CNTNAP2: variants seen among roughly 807,000 people sequenced by gnomAD.
The protein encoded by CNTNAP2 is contactin-associated protein-like 2.
CNTNAP2 carries 98 observed loss-of-function variants against 155.2 expected under a neutral mutation model. That is an observed-to-expected ratio of 0.63 (90% CI 0.54 to 0.75). CNTNAP2 has a LOEUF of 0.75. CNTNAP2 is among the 30% of genes least tolerant of loss of function. CNTNAP2 has a pLI of 0.00. For synonymous variants in CNTNAP2, 651 were observed against 631.2 expected (o/e 1.03, Z -0.47); for missense variants, 1,727 against 1,688.1 (o/e 1.02, Z -0.40).
At chr7:147,964,417 C>T (rs1157963012) in intron 14 of CNTNAP2, among the ~76,000 whole-genome samples, 1 of 152,096 alleles carries the variant, frequency 6.6e-6, no homozygotes, top group Non-Finnish European at 1.5e-5. Flanking sequence ...TGACTCAATC[C>T]TCCACGGATT....
intron 1 of CNTNAP2, among the ~76,000 whole-genome samples, chr7:146,761,284 T>TGGAAGGAA (rs369635102): frequency 0.015 from 2,099 of 144,614 alleles, 22 homozygotes; most frequent in Middle Eastern, 0.031. Flanking sequence ...TCATAATTGC[T>TGGAAGGAA]GGAAGGAAGG....
intron 1 of CNTNAP2, among the ~76,000 whole-genome samples, chr7:146,580,610 T>C (rs1452698051): frequency 1.3e-5 from 2 of 152,102 alleles, no homozygotes; most frequent in African/African-American, 4.8e-5. Flanking sequence ...ATTTCTTCTT[T>C]CCTGGCCCAC....
intron 11 of CNTNAP2, among the ~76,000 whole-genome samples, chr7:147,508,774 A>T (rs1584779726): frequency 2.6e-5 from 4 of 151,904 alleles, no homozygotes; most frequent in Admixed American, 2.6e-4. Flanking sequence ...TCCCCTGCAC[A>T]CTCTCTCTTG....
chr7:147,199,107 G>A (rs997681724), intron 8 of CNTNAP2, among the ~76,000 whole-genome samples: 10 of 151,888 alleles, frequency 6.6e-5, no homozygotes, highest in Middle Eastern at 3.2e-3. Context: ...GACTACAGGC[G>A]CACACCGTCA....
chr7:147,040,900 C>T (rs1368500925), intron 3 of CNTNAP2, among the ~76,000 whole-genome samples: 1 of 152,186 alleles, frequency 6.6e-6, no homozygotes, highest in Non-Finnish European at 1.5e-5. Context: ...AATGCCTGCA[C>T]ACTAATATCT....
At chr7:147,217,521 AAT>A (rs1379445336) in intron 8 of CNTNAP2, among the ~76,000 whole-genome samples, 3 of 151,922 alleles carry the variant, frequency 2.0e-5, no homozygotes, top group African/African-American at 4.8e-5. Flanking sequence ...CATGTTGTAT[AAT>A]TCTTTTTGTA....
chr7:148,107,426 T>G (rs115671610), intron 15 of CNTNAP2, among the ~76,000 whole-genome samples: 1 of 152,200 alleles, frequency 6.6e-6, no homozygotes, highest in Admixed American at 6.5e-5. Context: ...CATTTTGTGT[T>G]GCAGCCGTGA....
rs570065637 is a variant in CNTNAP2, at chr7:147,874,717, A to C, written c.2099-28848A>C. On this transcript the variant is annotated intron_variant, in intron 13 of 23. Transcript: ENST00000361727. The stretch of plus-strand genomic sequence containing the variant: ...ATGCAAATTCCTGCAGTAGGCTTGA[A>C]TTTCTCCCCATAAAATGGGTTTTTC... Among the ~76,000 whole-genome samples, 11 of 152,090 alleles carry C rather than the reference A, an allele frequency of 7.2e-5. No individual in the cohort carries two copies. In the East Asian group the frequency reaches 1.2e-3, roughly 16 times the overall value.
intron 13 of CNTNAP2, among the ~76,000 whole-genome samples, chr7:147,727,623 A>C (rs1448893475): frequency 6.6e-6 from 1 of 152,004 alleles, no homozygotes; most frequent in East Asian, 1.9e-4. Context: ...ACACTGAGGT[A>C]GAAATTATGA....
intron 1 of CNTNAP2, among the ~76,000 whole-genome samples, chr7:146,162,586 G>A (rs1246348001): frequency 2.0e-5 from 3 of 152,186 alleles, no homozygotes; most frequent in Non-Finnish European, 4.4e-5. Context: ...AACCATTGTG[G>A]AAGACAGTGT....
chr7:146,504,328 A>G (rs1448703645), intron 1 of CNTNAP2, among the ~76,000 whole-genome samples: 2 of 152,096 alleles, frequency 1.3e-5, no homozygotes, highest in Non-Finnish European at 2.9e-5. Context: ...GACACCCACC[A>G]TGTCTATGGG....
chr7:147,562,811 C>T (rs578176321), intron 12 of CNTNAP2, among the ~76,000 whole-genome samples: 2 of 152,146 alleles, frequency 1.3e-5, no homozygotes, highest in Non-Finnish European at 2.9e-5. Flanking sequence ...ATTATGGGTT[C>T]TTGTCAACTT....
chr7:146,871,301 C>A (rs1016654212), intron 3 of CNTNAP2, among the ~76,000 whole-genome samples: 3 of 151,868 alleles, frequency 2.0e-5, no homozygotes, highest in African/African-American at 7.3e-5. Flanking sequence ...GAGGCCGAGG[C>A]GGGCAGGTCA....
At chr7:148,010,911 TTGG>T (rs892158871) in intron 15 of CNTNAP2, among the ~76,000 whole-genome samples, 2 of 152,140 alleles carry the variant, frequency 1.3e-5, no homozygotes, top group African/African-American at 4.8e-5. Context: ...ATAATAGAAC[TTGG>T]TTTCTGATAG....
chr7:147,016,550 G>C (rs1428273220), intron 3 of CNTNAP2, among the ~76,000 whole-genome samples: 1 of 152,012 alleles, frequency 6.6e-6, no homozygotes, highest in Non-Finnish European at 1.5e-5. Context: ...CATTTGATGA[G>C]TGAGTTGCAA....
intron 10 of CNTNAP2, among the ~76,000 whole-genome samples, chr7:147,462,242 C>A (rs1458996368): frequency 1.3e-5 from 2 of 152,104 alleles, no homozygotes; most frequent in Non-Finnish European, 2.9e-5. Context: ...AGTATCCTGC[C>A]CATGCGTCTA....
At chr7:147,176,894 TATA>T (rs1026943934) in intron 8 of CNTNAP2, among the ~76,000 whole-genome samples, 21 of 127,600 alleles carry the variant, frequency 1.6e-4, no homozygotes, top group East Asian at 6.2e-4. Context: ...AATTATATAT[TATA>T]ATAATTATAA....
chr7:147,999,563 T>G (rs1442927832), intron 15 of CNTNAP2, among the ~76,000 whole-genome samples: 1 of 152,208 alleles, frequency 6.6e-6, no homozygotes, highest in East Asian at 1.9e-4. Flanking sequence ...TGTTGTGGGT[T>G]GAATAACATT....
chr7:146,985,551 A>T (rs903492357), intron 3 of CNTNAP2, among the ~76,000 whole-genome samples: 2 of 151,916 alleles, frequency 1.3e-5, no homozygotes, highest in Non-Finnish European at 2.9e-5. Context: ...CGATCTCCTG[A>T]CCTCGTGATC....
Sources: gnomAD v4.1 joint callset for allele counts (sites outside exome capture counted in the v4.1 genomes callset) on GRCh38, gnomAD v4.1.1 for gene constraint, MANE v1.5 for transcripts, NCBI Gene and HGNC (gene_info 2026-07-23, HGNC 2026-07-21) for gene names.